The following STK32A variants were observed in gnomAD, a reference collection of about 807,000 sequenced individuals.
STK32A encodes the protein serine/threonine kinase 32A.
Under a neutral mutation model 53.2 loss-of-function variants are expected in STK32A, and 41 were observed. That is an observed-to-expected ratio of 0.77 (90% CI 0.60 to 1.00). The LOEUF (loss-of-function observed/expected upper bound fraction) is 1.00. Among genes scored for constraint, STK32A ranks in the 50% least tolerant of loss-of-function variants. STK32A has a pLI of 0.00. For missense variants in STK32A, 458 were observed against 485.8 expected, an observed-to-expected ratio of 0.94 and a Z score of 0.54; for synonymous variants, 166 against 162.8, an observed-to-expected ratio of 1.02 and a Z score of -0.15.
chr5:147,311,223 A>G (rs1753678386), intron 4 of STK32A, among the ~76,000 whole-genome samples: 2 of 152,006 alleles, frequency 1.3e-5, no homozygotes, highest in Admixed American at 1.3e-4. Context: ...CTTTTCTTTC[A>G]CAATTCTTGC....
At chr5:147,355,792 G>GTATATATATATATATA (rs140534042) in intron 7 of STK32A, among the ~76,000 whole-genome samples, 4 of 147,760 alleles carry the variant, frequency 2.7e-5, no homozygotes, top group African/African-American at 7.6e-5. Context: ...GTGTGTGTGT[G>GTATATATATATATATA]TATATATATA....
chr5:147,390,478 C>CAAAA (rs151186049), downstream of STK32A, among the ~76,000 whole-genome samples: 2,051 of 110,790 alleles, frequency 0.019, 75 homozygotes, highest in East Asian at 0.17. Flanking sequence ...GGGGAAAGAC[C>CAAAA]AAAAAAAAAA....
At chr5:147,269,638 T>C (rs1379745674) in intron 2 of STK32A, among the ~76,000 whole-genome samples, 1 of 152,172 alleles carries the variant, frequency 6.6e-6, no homozygotes, top group Non-Finnish European at 1.5e-5. Context: ...TTTTTTTCCC[T>C]CCTCTCTGGG....
chr5:147,374,262 G>A (rs949872591), intron 10 of STK32A, among the ~76,000 whole-genome samples: 1 of 150,686 alleles, frequency 6.6e-6, no homozygotes, highest in African/African-American at 2.5e-5. Flanking sequence ...ACTCTAGCCT[G>A]GGTAACAGAG....
At chr5:147,284,649 C>T (rs971433675) in intron 4 of STK32A, among the ~76,000 whole-genome samples, 2 of 139,968 alleles carry the variant, frequency 1.4e-5, no homozygotes, top group Non-Finnish European at 3.1e-5. Context: ...AGAACTCAAT[C>T]CCTTTTACAA....
At chr5:147,373,450 T>C (rs1192277621) in intron 10 of STK32A, among the ~76,000 whole-genome samples, 156 bp downstream of exon 10, 1 of 152,132 alleles carries the variant, frequency 6.6e-6, no homozygotes, top group Non-Finnish European at 1.5e-5. Flanking sequence ...ATGCACAGGG[T>C]AAGTTTGTCA....
intron 2 of STK32A, among the ~76,000 whole-genome samples, chr5:147,255,026 G>T (rs1280767722): frequency 6.6e-6 from 1 of 152,146 alleles, no homozygotes; most frequent in Non-Finnish European, 1.5e-5. Flanking sequence ...TGTAGTCCCA[G>T]CTACTCAGGA....
chr5:147,363,111 C>CAACA (rs1237724943), intron 8 of STK32A, among the ~76,000 whole-genome samples: 22 of 124,046 alleles, frequency 1.8e-4, no homozygotes, highest in African/African-American at 7.2e-4. Flanking sequence ...AAAAAACAAA[C>CAACA]AAACAAAAAA....
At chr5:147,313,063 CAAAAAAAAAA>C (rs71583952) in intron 4 of STK32A, among the ~76,000 whole-genome samples, 1 of 78,676 alleles carries the variant, frequency 1.3e-5, no homozygotes, top group South Asian at 4.1e-4. Context: ...CTCATCTCTA[CAAAAAAAAAA>C]AAAAAAAAAA....
intron 11 of STK32A, among the ~76,000 whole-genome samples, chr5:147,378,837 A>C (rs949034531): frequency 4.5e-5 from 3 of 66,522 alleles, no homozygotes; most frequent in Non-Finnish European, 9.0e-5. Flanking sequence ...TAATGCCTCC[A>C]GTCTTTTTTT....
In STK32A at chr5:147,353,567, C is replaced by T. The variant is rs1756084191; in HGVS notation, c.562+2413C>T. ...ACAAGATCAAGAGATCGAGACCAGC[C>T]TGGCCAACATGGTGAAACCCCATCT... On this transcript the variant is annotated intron_variant, in intron 7 of 12. Transcript: ENST00000397936. Among the ~76,000 whole-genome samples the T allele has an allele frequency of 2.0e-5, 3 of 152,172 alleles. No homozygotes were observed. In the South Asian group the frequency reaches 6.2e-4, roughly 32 times the overall value.
chr5:147,242,535 C>CGGTT (rs1278598364), intron 2 of STK32A, among the ~76,000 whole-genome samples: 2 of 152,106 alleles, frequency 1.3e-5, no homozygotes, highest in Non-Finnish European at 2.9e-5. Context: ...AGGGTGGCTG[C>CGGTT]GGTTGTCTTT....
At chr5:147,326,446 C>T (rs1018304115) in intron 5 of STK32A, among the ~76,000 whole-genome samples, 4 of 152,142 alleles carry the variant, frequency 2.6e-5, no homozygotes, top group African/African-American at 9.7e-5. Flanking sequence ...CTCTATGCAC[C>T]TCTCCCCCCA....
At chr5:147,300,168 A>G (rs944388270) in intron 4 of STK32A, among the ~76,000 whole-genome samples, 4 of 152,214 alleles carry the variant, frequency 2.6e-5, no homozygotes, top group Admixed American at 2.6e-4. Context: ...GGTTTTACAT[A>G]TATTATCTCA....
rs1194368588 is a variant in STK32A, at chr5:147,330,908, T to C, written c.434+6837T>C. 2.0e-5 allele frequency among the ~76,000 whole-genome samples: 3 copies of C among 152,248 alleles called. No individual in the cohort carries two copies. The East Asian group carries it at 5.8e-4, about 29-fold the overall frequency. On this transcript the variant is annotated intron_variant, in intron 5 of 12. Transcript: ENST00000397936. ...GGGTCAAAATTATGTTTGTTTTAAC[T>C]GAGGTCTTTAGTTTATTTCAGGCAG...
intron 6 of STK32A, chr5:147,348,575 A>G: frequency 2.9e-6 from 2 of 696,868 alleles, no homozygotes; most frequent in East Asian, 2.7e-5. Flanking sequence ...TTCCACTTCT[A>G]CATGAGCATA....
At chr5:147,239,784 G>C (rs561957945) in intron 2 of STK32A, 98 bp downstream of exon 2, 2 of 914,318 alleles carry the variant, frequency 2.2e-6, no homozygotes, top group Admixed American at 5.2e-5. Context: ...ATGGTCTGTA[G>C]GGCCTTGAAG....
intron 4 of STK32A, among the ~76,000 whole-genome samples, chr5:147,299,375 G>A (rs1753021008): frequency 6.6e-6 from 1 of 152,040 alleles, no homozygotes; most frequent in Non-Finnish European, 1.5e-5. Context: ...TTATCAGGAA[G>A]GTCTTCATGA....
At position 147,384,464 on chromosome 5, in the gene STK32A, G is replaced by T. The variant is rs1309952075; in HGVS notation, c.*481G>T. On this transcript the variant is annotated 3_prime_UTR_variant, in exon 13 of 13. Transcript: ENST00000397936. ...TGGTCAGAATGCCCCAGGCTACTTG[G>T]ATAAAGATAAGGAATTCTATCAGGG... The T allele has an allele frequency of 4.0e-6, 6 of 1,517,534 alleles. No individual in the cohort carries two copies. The Admixed American group carries it at 6.0e-5, about 15-fold the overall frequency. The allele number at this position is 1,517,534 out of a possible 1,614,324, so 94.0% of individuals were successfully genotyped here.
Sources: allele counts gnomAD v4.1 joint callset (sites outside exome capture counted in the v4.1 genomes callset), GRCh38; gene constraint gnomAD v4.1.1; transcripts MANE v1.5; gene names NCBI Gene and HGNC (gene_info 2026-07-23, HGNC 2026-07-21).